FBXW11: variants seen among roughly 807,000 people sequenced by gnomAD.
FBXW11 encodes F-box and WD repeat domain containing 11, also known as F-box/WD repeat-containing protein 11.
Under a neutral mutation model 77.6 loss-of-function variants are expected in FBXW11, and 19 were observed. The observed-to-expected ratio is 0.24, with a 90% CI of 0.17 to 0.36. FBXW11 has a LOEUF of 0.36. Among genes scored for constraint, FBXW11 ranks in the 10% least tolerant of loss-of-function variants. FBXW11 has a pLI of 1.00. For missense variants in FBXW11, 334 were observed against 704.2 expected (o/e 0.47, Z 5.95); for synonymous variants, 235 against 249.4 (o/e 0.94, Z 0.54).
chr5:171,993,769 T>A (rs758141374), intron 1 of FBXW11, among the ~76,000 whole-genome samples: 2 of 152,162 alleles, frequency 1.3e-5, no homozygotes, highest in African/African-American at 2.4e-5. Context: ...GCTGAGCAGA[T>A]CAAATTTCTG....
chr5:171,970,077 T>C (rs1361117460), intron 1 of FBXW11, among the ~76,000 whole-genome samples: 2 of 152,238 alleles, frequency 1.3e-5, no homozygotes. Flanking sequence ...TCTAACATGC[T>C]ACTTGTCTCA....
At chr5:171,961,313 C>G (rs990034943) in intron 1 of FBXW11, among the ~76,000 whole-genome samples, 1 of 152,140 alleles carries the variant, frequency 6.6e-6, no homozygotes, top group African/African-American at 2.4e-5. Flanking sequence ...AGTTTCAAGA[C>G]GAGTGTTGTT....
intron 6 of FBXW11, among the ~76,000 whole-genome samples, chr5:171,894,560 T>G (rs1279893691): frequency 6.6e-6 from 1 of 152,088 alleles, no homozygotes; most frequent in East Asian, 1.9e-4. Context: ...CCTGGGTAAC[T>G]CCTCTTCTCA....
chr5:171,877,083 C>G (rs1010149818), intron 8 of FBXW11, among the ~76,000 whole-genome samples: 1 of 152,122 alleles, frequency 6.6e-6, no homozygotes, highest in African/African-American at 2.4e-5. Flanking sequence ...AAAGGGGCCC[C>G]TAAAAGCAAT....
At chr5:171,871,216 C>T (rs934018704) in intron 10 of FBXW11, among the ~76,000 whole-genome samples, 2 of 152,268 alleles carry the variant, frequency 1.3e-5, no homozygotes, top group African/African-American at 4.8e-5. Context: ...TTGATAAAAA[C>T]CATGTAGACA....
At chr5:171,925,240 A>C (rs966217221) in intron 2 of FBXW11, among the ~76,000 whole-genome samples, 1 of 152,210 alleles carries the variant, frequency 6.6e-6, no homozygotes, top group Non-Finnish European at 1.5e-5. Flanking sequence ...AAAACCCCTG[A>C]AAAACCCTGC....
At chr5:171,883,365 C>A (rs1320674955) in intron 7 of FBXW11, among the ~76,000 whole-genome samples, 1 of 152,096 alleles carries the variant, frequency 6.6e-6, no homozygotes, top group Non-Finnish European at 1.5e-5. Flanking sequence ...ATCTCCCCAC[C>A]CCACAACAGG....
chr5:171,937,992 T>A (rs1304715551), intron 2 of FBXW11, among the ~76,000 whole-genome samples: 1 of 152,126 alleles, frequency 6.6e-6, no homozygotes, highest in Non-Finnish European at 1.5e-5. Flanking sequence ...TCCCTAAAAA[T>A]TTCTTTAAAT....
intron 9 of FBXW11, among the ~76,000 whole-genome samples, 200 bp from the exon 10 acceptor site, chr5:171,873,190 G>A (rs2113764448): frequency 6.6e-6 from 1 of 152,300 alleles, no homozygotes. Context: ...AATAACACTG[G>A]AATGAAACAC....
At chr5:171,946,761 T>C (rs1416437520) in intron 2 of FBXW11, among the ~76,000 whole-genome samples, 2 of 150,470 alleles carry the variant, frequency 1.3e-5, no homozygotes, top group African/African-American at 2.4e-5. Context: ...ATTCCCCCCT[T>C]TTCTCCACAG....
intron 2 of FBXW11, among the ~76,000 whole-genome samples, chr5:171,923,805 G>A (rs886074582): frequency 1.3e-5 from 2 of 150,652 alleles, no homozygotes; most frequent in African/African-American, 4.9e-5. Flanking sequence ...TAAAAATGGC[G>A]GCAATTTTCC....
chr5:171,942,231 G>A (rs946322143), intron 2 of FBXW11, among the ~76,000 whole-genome samples: 7 of 151,444 alleles, frequency 4.6e-5, no homozygotes, highest in Non-Finnish European at 1.0e-4. Context: ...ACAGGTTACT[G>A]CCAACTAATT....
chr5:171,893,436 A>AAAAAAAAAC (rs1759512131), intron 6 of FBXW11, among the ~76,000 whole-genome samples: 6 of 147,932 alleles, frequency 4.1e-5, no homozygotes, highest in African/African-American at 1.2e-4. Flanking sequence ...AAAAAAAAAA[A>AAAAAAAAAC]AAAAAAAAAA....
chr5:171,979,567 A>G (rs1765033621), intron 1 of FBXW11, among the ~76,000 whole-genome samples: 1 of 152,116 alleles, frequency 6.6e-6, no homozygotes, highest in Non-Finnish European at 1.5e-5. Context: ...ATAATTTTGC[A>G]ATTATTTTTT....
At chr5:171,880,861 A>C (rs1215865712) in intron 7 of FBXW11, among the ~76,000 whole-genome samples, 1 of 151,992 alleles carries the variant, frequency 6.6e-6, no homozygotes, top group Non-Finnish European at 1.5e-5. Flanking sequence ...ACACCCGGCT[A>C]ATTTTTGTAT....
intron 11 of FBXW11, among the ~76,000 whole-genome samples, chr5:171,870,416 G>A (rs867890336): frequency 6.7e-6 from 1 of 149,180 alleles, no homozygotes; most frequent in African/African-American, 2.6e-5. Flanking sequence ...CACACACAAA[G>A]AGCCTGGCTT....
chr5:171,965,533 T>TAA (rs1421717392), intron 1 of FBXW11, among the ~76,000 whole-genome samples: 11 of 85,860 alleles, frequency 1.3e-4, no homozygotes, highest in African/African-American at 2.0e-4. Flanking sequence ...TCTTTAAAAA[T>TAA]AAAAAAAAAA....
intron 4 of FBXW11, among the ~76,000 whole-genome samples, chr5:171,909,258 G>A (rs149332309): frequency 6.6e-6 from 1 of 152,254 alleles, no homozygotes; most frequent in East Asian, 1.9e-4. Context: ...GGCCAGCCTG[G>A]CCCACACAGC....
At position 171,876,290 on chromosome 5, in the gene FBXW11, T is replaced by C; in HGVS notation, c.1216A>G (p.Ile406Val). The stretch of plus-strand genomic sequence containing the variant: ...ATGACTGCAGACATACTTACTTTGA[T>C]GGTCCTGTCACCAGAGGCAGACACG... Reference protein sequence around the residue: ...YIVSASGDRTIKVWSTSTCEF... With the variant: ...YIVSASGDRTVKVWSTSTCEF... The change falls in exon 9 of 14, where the codon ATC becomes GTC. Residue 406 changes from isoleucine (I) to valine (V), a missense_variant. By Grantham distance (29) the Ile-to-Val change is conservative. Coordinates refer to ENST00000517395, the MANE Select transcript of FBXW11 (RefSeq NM_001378974.1). The surrounding 1 kb of genome is among the most constrained non-coding windows in gnomAD (Gnocchi z 4.2). 1.2e-6 allele frequency: 2 copies of C among 1,614,156 alleles called. No homozygotes were observed. Among genetic ancestry groups the C allele is most frequent in the Non-Finnish European group, 1.7e-6 (2 of 1,180,006 alleles).
Sources: gnomAD v4.1 joint callset for allele counts (sites outside exome capture counted in the v4.1 genomes callset) on GRCh38, gnomAD v4.1.1 for gene constraint, Gnocchi (gnomAD v3.1) non-coding constraint, MANE v1.5 for transcripts, NCBI Gene and HGNC (gene_info 2026-07-23, HGNC 2026-07-21) for gene names.